AGTPBP1: variants seen among roughly 807,000 people sequenced by gnomAD.
AGTPBP1 encodes the protein cytosolic carboxypeptidase 1.
AGTPBP1 carries 70 observed loss-of-function variants against 143.9 expected under a neutral mutation model. That is an observed-to-expected ratio of 0.49 (90% confidence interval 0.40 to 0.59). The LOEUF (loss-of-function observed/expected upper bound fraction) is 0.59, where lower values mean the gene tolerates loss of function less well. AGTPBP1 is among the 20% of genes least tolerant of loss of function. AGTPBP1 has a pLI of 0.00. For missense variants in AGTPBP1, 1,229 were observed against 1,464.5 expected, an observed-to-expected ratio of 0.84 and a Z score of 2.62; for synonymous variants, 463 against 500.2, an observed-to-expected ratio of 0.93 and a Z score of 0.99.
At chr9:85,630,236 C>T (rs1398363376) in intron 14 of AGTPBP1, among the ~76,000 whole-genome samples, 1 of 152,194 alleles carries the variant, frequency 6.6e-6, no homozygotes, top group African/African-American at 2.4e-5. Flanking sequence ...ATGAGATATG[C>T]TCCTGTGGGC....
chr9:85,561,451 C>T (rs886351582), intron 25 of AGTPBP1, among the ~76,000 whole-genome samples: 2 of 151,382 alleles, frequency 1.3e-5, no homozygotes, highest in Non-Finnish European at 2.9e-5. Context: ...GCTAACTTGA[C>T]ATCCTAACAG....
At chr9:85,642,282 T>A (rs368661906) in intron 13 of AGTPBP1, among the ~76,000 whole-genome samples, 61 of 152,084 alleles carry the variant, frequency 4.0e-4, no homozygotes, top group African/African-American at 1.4e-3. Flanking sequence ...ACTGTGTCCA[T>A]TAAAGTGATG....
chr9:85,732,747 T>A lies in AGTPBP1; in HGVS notation c.-34+9028A>T, dbSNP rs56055467. On this transcript the variant is annotated intron_variant, in intron 1 of 25. Coordinates refer to ENST00000357081, the MANE Select transcript of AGTPBP1 (RefSeq NM_001330701.2). ...TTGTCTGCAGGAGACTTACTTTAGA[T>A]CCCATTGCACAAATACATGGAACGT... is the stretch of plus-strand genomic sequence containing the variant. 4.4e-3 allele frequency among the ~76,000 whole-genome samples: 673 copies of A among 152,208 alleles called. 2 individuals are homozygous for A. Among genetic ancestry groups the A allele is most frequent in the African/African-American group, 0.016 (644 of 41,524 alleles).
the AGTPBP1 span, among the ~76,000 whole-genome samples, chr9:85,784,672 G>T: frequency 1.3e-5 from 2 of 152,146 alleles, no homozygotes; most frequent in Non-Finnish European, 2.9e-5. Context: ...CATGTACGAG[G>T]ATCTAGATCA....
intron 8 of AGTPBP1, among the ~76,000 whole-genome samples, chr9:85,667,804 A>T (rs1834213082): frequency 6.6e-6 from 1 of 152,086 alleles, no homozygotes; most frequent in South Asian, 2.1e-4. Flanking sequence ...ACAAAACCAA[A>T]AAACAGGGAA....
chr9:85,704,005 AT>A (rs1836829760), intron 2 of AGTPBP1, among the ~76,000 whole-genome samples: 2 of 152,224 alleles, frequency 1.3e-5, no homozygotes, highest in Non-Finnish European at 1.5e-5. Flanking sequence ...TAAAAGTTAA[AT>A]AAGACAGAAG....
rs150660366 is a variant in AGTPBP1 at position 85,597,467 on chromosome 9, A to G, written c.2336-1018T>C. Among the ~76,000 whole-genome samples the G allele has an allele frequency of 8.4e-3, 1,277 of 152,216 alleles. 20 individuals are homozygous for G. The highest frequency in any genetic ancestry group is 0.029 in the African/African-American group (1,215 of 41,568). On this transcript the variant is annotated intron_variant, in intron 17 of 25. Transcript: ENST00000357081. Reference sequence around the variant, plus strand: ...TGGTAAGAACAAACAATTCTTTTTCATGACTTGAACCAAAATGTTTTGCCA... The same window carrying G: ...TGGTAAGAACAAACAATTCTTTTTCGTGACTTGAACCAAAATGTTTTGCCA...
intron 1 of AGTPBP1, 153 bp downstream of exon 1, chr9:85,741,622 G>A: frequency 1.0e-6 from 1 of 985,420 alleles, no homozygotes; most frequent in Non-Finnish European, 1.2e-6. Flanking sequence ...CGCGTCACAT[G>A]TGTAACATGC....
At chr9:85,626,672 G>A (rs1831314220) in intron 14 of AGTPBP1, among the ~76,000 whole-genome samples, 1 of 147,930 alleles carries the variant, frequency 6.8e-6, no homozygotes, top group Non-Finnish European at 1.5e-5. Flanking sequence ...GTGGCTACAG[G>A]GGTCAGCAAA....
At chr9:85,746,342 A>G (rs1824579907), upstream of AGTPBP1, among the ~76,000 whole-genome samples, 1 of 152,052 alleles carries the variant, frequency 6.6e-6, no homozygotes, top group Non-Finnish European at 1.5e-5. Flanking sequence ...TGTGTCCTAA[A>G]TTCTTTCTTG....
At chr9:85,662,994 TTAC>T (rs975863831) in intron 8 of AGTPBP1, among the ~76,000 whole-genome samples, 10 of 152,108 alleles carry the variant, frequency 6.6e-5, no homozygotes, top group African/African-American at 2.2e-4. Context: ...TTGCCCCAGC[TTAC>T]TACACCTTGA....
At chr9:85,680,681 C>A (rs1214334228) in intron 4 of AGTPBP1, among the ~76,000 whole-genome samples, 1 of 151,998 alleles carries the variant, frequency 6.6e-6, no homozygotes, top group Non-Finnish European at 1.5e-5. Flanking sequence ...GAAATGACAT[C>A]TTTATGATGC....
At chr9:85,667,920 A>G (rs2134033875) in intron 8 of AGTPBP1, among the ~76,000 whole-genome samples, 1 of 151,700 alleles carries the variant, frequency 6.6e-6, no homozygotes, top group African/African-American at 2.4e-5. Flanking sequence ...AAAAAAAAAA[A>G]AGCATTTCCT....
At chr9:85,716,599 T>G (rs1455671189) in intron 1 of AGTPBP1, among the ~76,000 whole-genome samples, 1 of 152,198 alleles carries the variant, frequency 6.6e-6, no homozygotes, top group Non-Finnish European at 1.5e-5. Context: ...CAGAAAGTCT[T>G]GATAATTCTA....
At chr9:85,666,577 A>C (rs1834147439) in intron 8 of AGTPBP1, among the ~76,000 whole-genome samples, 1 of 152,150 alleles carries the variant, frequency 6.6e-6, no homozygotes, top group South Asian at 2.1e-4. Context: ...AAATAGAAAA[A>C]TAATGCATAA....
intron 3 of AGTPBP1, among the ~76,000 whole-genome samples, chr9:85,682,172 T>TAA (rs745339958): frequency 0.02 from 1,719 of 85,756 alleles, 74 homozygotes; most frequent in African/African-American, 0.045. Context: ...TAGGATTGGT[T>TAA]AAAAAAAAAA....
Position 85,660,953 on chromosome 9 carries a change from G to A in AGTPBP1, c.683C>T (p.Ala228Val). ...SLIKVALDTL[A>V]ALLKSKTNAR... ...AAACTTACTTGATTTTAGCAATGCA[G>A]CAAGAGTGTCTAAAGCAACCCTGTC... Residue 228 changes from alanine (A) to valine (V), a missense_variant, in exon 9 of 26, where the codon GCT becomes GTT. Coordinates refer to ENST00000357081, the MANE Select transcript of AGTPBP1 (RefSeq NM_001330701.2). The A allele has an allele frequency of 6.3e-7, 1 of 1,593,788 alleles. No individual in the cohort carries two copies. The highest frequency in any genetic ancestry group is 8.5e-7 in the Non-Finnish European group (1 of 1,171,914).
rs571560901 is a variant in AGTPBP1 at position 85,696,576 on chromosome 9, G to A, written c.33-3763C>T. 2.6e-4 allele frequency among the ~76,000 whole-genome samples: 40 copies of A among 152,086 alleles called. No homozygotes were observed. The East Asian group carries it at 7.4e-3, about 28-fold the overall frequency. The stretch of plus-strand genomic sequence containing the variant: ...CCAGCTACTTGGGAGGCTGAGGCAG[G>A]AGAATTGCTTGAACCCGGGAGGTGG... On this transcript the variant is annotated intron_variant, in intron 2 of 25. Coordinates refer to ENST00000357081, the MANE Select transcript of AGTPBP1 (RefSeq NM_001330701.2).
At chr9:85,621,146 TA>T in intron 15 of AGTPBP1, 55 bp downstream of exon 15, 1 of 1,014,630 alleles carries the variant, frequency 9.9e-7, no homozygotes. Context: ...GAAATAATAC[TA>T]AAATTTTATA....
Sources: allele counts gnomAD v4.1 joint callset (sites outside exome capture counted in the v4.1 genomes callset), GRCh38; gene constraint gnomAD v4.1.1; transcripts MANE v1.5; gene names NCBI Gene and HGNC (gene_info 2026-07-23, HGNC 2026-07-21).